The following EPHA6 variants were observed in gnomAD, a reference collection of about 807,000 sequenced individuals.
EPHA6 encodes ephrin type-A receptor 6.
In EPHA6, 50 loss-of-function variants were observed where a neutral mutation model predicts 112.0. The ratio of observed to expected loss-of-function variants is 0.45; its 90% CI spans 0.36 to 0.56. The LOEUF is 0.56. Among genes scored for constraint, EPHA6 ranks in the 20% least tolerant of loss-of-function variants. The pLI, the probability that EPHA6 is intolerant of heterozygous loss-of-function variation, is 0.00. For missense variants in EPHA6, 1,280 were observed against 1,417.4 expected, an observed-to-expected ratio of 0.90 and a Z score of 1.56; for synonymous variants, 529 against 490.7, an observed-to-expected ratio of 1.08 and a Z score of -1.03.
At chr3:97,444,228 T>G (rs2090245849) in intron 6 of EPHA6, among the ~76,000 whole-genome samples, 1 of 151,970 alleles carries the variant, frequency 6.6e-6, no homozygotes, top group Non-Finnish European at 1.5e-5. Context: ...TCCAATTAAT[T>G]TAAAATTAAA....
At chr3:97,422,137 C>CA (rs34312259) in intron 6 of EPHA6, among the ~76,000 whole-genome samples, 13,106 of 103,148 alleles carry the variant, frequency 0.13, 834 homozygotes, top group Admixed American at 0.23. Context: ...AATAGTCTCT[C>CA]AAAAAAAAAA....
At chr3:97,566,011 A>T (rs1026455860) in intron 11 of EPHA6, among the ~76,000 whole-genome samples, 3 of 132,528 alleles carry the variant, frequency 2.3e-5, no homozygotes, top group African/African-American at 3.2e-5. Context: ...AGAGCGAGAC[A>T]CCGTCTCAAA....
intron 5 of EPHA6, among the ~76,000 whole-genome samples, chr3:97,283,794 C>G (rs1257141990): frequency 6.6e-6 from 1 of 152,010 alleles, no homozygotes; most frequent in Non-Finnish European, 1.5e-5. Flanking sequence ...AACTTATTAT[C>G]AAGCAATGAC....
At chr3:97,174,344 G>C in intron 3 of EPHA6, among the ~76,000 whole-genome samples, 1 of 151,892 alleles carries the variant, frequency 6.6e-6, no homozygotes. Context: ...ATGGTGAGCA[G>C]TGCTGCAACA....
intron 5 of EPHA6, among the ~76,000 whole-genome samples, chr3:97,330,351 G>C (rs1371765505): frequency 6.6e-6 from 1 of 152,120 alleles, no homozygotes; most frequent in Non-Finnish European, 1.5e-5. Context: ...CCAATTCTGT[G>C]AAGAAAGTCA....
intron 3 of EPHA6, among the ~76,000 whole-genome samples, chr3:97,055,685 T>C (rs1458059129): frequency 6.6e-6 from 1 of 152,180 alleles, no homozygotes; most frequent in Non-Finnish European, 1.5e-5. Flanking sequence ...AAATGATTTT[T>C]CTAATAGCAA....
chr3:97,349,908 C>T (rs1203514603), intron 5 of EPHA6, among the ~76,000 whole-genome samples: 3 of 151,568 alleles, frequency 2.0e-5, no homozygotes, highest in Non-Finnish European at 2.9e-5. Context: ...TTTTAGGGGG[C>T]AGTAACACTC....
chr3:96,981,514 T>C (rs542301765), intron 2 of EPHA6, among the ~76,000 whole-genome samples: 1 of 152,148 alleles, frequency 6.6e-6, no homozygotes, highest in South Asian at 2.1e-4. Flanking sequence ...AAATTCTCTT[T>C]TTTTTTTGTT....
intron 2 of EPHA6, among the ~76,000 whole-genome samples, chr3:96,945,493 C>T (rs2041206136): frequency 6.6e-6 from 1 of 152,156 alleles, no homozygotes; most frequent in Non-Finnish European, 1.5e-5. Flanking sequence ...AAATATGTTG[C>T]ATGTGTTACT....
intron 11 of EPHA6, among the ~76,000 whole-genome samples, chr3:97,582,904 A>G (rs1416810098): frequency 6.6e-6 from 1 of 151,988 alleles, no homozygotes; most frequent in Non-Finnish European, 1.5e-5. Flanking sequence ...TAAATCCAGA[A>G]CATTCTCTTT....
At position 97,646,604 on chromosome 3, in the gene EPHA6, G is replaced by A. The variant is rs971560780; in HGVS notation, c.2784+8522G>A. ...TCGCTAATTATCAGTCCCAAAAAAG[G>A]ACTCCCATTCCATGAGGAAAACAGC... On this transcript the variant is annotated intron_variant, in intron 14 of 17. Transcript: ENST00000389672. 1.3e-4 allele frequency among the ~76,000 whole-genome samples: 20 copies of A among 152,030 alleles called. 1 individual carries two copies. The highest frequency in any genetic ancestry group is 4.6e-4 in the African/African-American group (19 of 41,384).
At chr3:96,816,200 T>G (rs929492568) in intron 1 of EPHA6, among the ~76,000 whole-genome samples, 3 of 152,206 alleles carry the variant, frequency 2.0e-5, no homozygotes, top group African/African-American at 7.2e-5. Flanking sequence ...AAAATATAAT[T>G]ATTAAATTGT....
intron 3 of EPHA6, among the ~76,000 whole-genome samples, chr3:97,143,048 CTCA>C (rs1234598832): frequency 6.6e-6 from 1 of 151,638 alleles, no homozygotes; most frequent in East Asian, 1.9e-4. Flanking sequence ...ACTTTCTATG[CTCA>C]TCAATTACAT....
chr3:96,839,383 G>T (rs1157494586), intron 1 of EPHA6, among the ~76,000 whole-genome samples: 1 of 152,050 alleles, frequency 6.6e-6, no homozygotes, highest in Non-Finnish European at 1.5e-5. Flanking sequence ...AATGCCTGAT[G>T]ATCTGAGGTG....
intron 5 of EPHA6, among the ~76,000 whole-genome samples, chr3:97,319,090 C>A (rs145466005): frequency 6.6e-6 from 1 of 151,286 alleles, no homozygotes; most frequent in Admixed American, 6.6e-5. Context: ...AATTCTCTTA[C>A]GACATCACTT....
chr3:97,020,042 A>G (rs1456721978), intron 3 of EPHA6, among the ~76,000 whole-genome samples: 1 of 152,168 alleles, frequency 6.6e-6, no homozygotes, highest in East Asian at 1.9e-4. Context: ...GGGCCAATGG[A>G]ATATGAGTCT....
intron 13 of EPHA6, among the ~76,000 whole-genome samples, chr3:97,612,028 G>A (rs1247387894): frequency 1.3e-5 from 2 of 151,990 alleles, no homozygotes; most frequent in Admixed American, 1.3e-4. Flanking sequence ...AATGCTGCTC[G>A]TGCAGTGTAT....
At chr3:97,415,102 T>C (rs944260494) in intron 6 of EPHA6, among the ~76,000 whole-genome samples, 2 of 152,004 alleles carry the variant, frequency 1.3e-5, no homozygotes, top group African/African-American at 4.8e-5. Context: ...CATGCAAACA[T>C]TGATTCTCAT....
chr3:97,050,116 T>G (rs547024689), intron 3 of EPHA6, among the ~76,000 whole-genome samples: 17 of 152,304 alleles, frequency 1.1e-4, no homozygotes, highest in Admixed American at 8.5e-4. Flanking sequence ...ACAAGTGATC[T>G]GAGGCTCTGG....
Sources: gnomAD v4.1 joint callset for allele counts (sites outside exome capture counted in the v4.1 genomes callset) on GRCh38, gnomAD v4.1.1 for gene constraint, MANE v1.5 for transcripts, NCBI Gene and HGNC (gene_info 2026-07-23, HGNC 2026-07-21) for gene names.